DYNC1H1: variants seen among roughly 807,000 people sequenced by gnomAD.
DYNC1H1 encodes the protein cytoplasmic dynein 1 heavy chain 1.
In DYNC1H1, 51 loss-of-function variants were observed where a neutral mutation model predicts 527.1. The observed-to-expected ratio is 0.10, with a 90% confidence interval of 0.08 to 0.12. The LOEUF (loss-of-function observed/expected upper bound fraction) is 0.12. Ranked by LOEUF, DYNC1H1 falls within the 10% of genes least tolerant of loss-of-function variation. The pLI, the probability that DYNC1H1 is intolerant of heterozygous loss-of-function variation, is 1.00. For missense variants in DYNC1H1, 2,771 were observed against 5,971.8 expected, an observed-to-expected ratio of 0.46 and a Z score of 17.66; for synonymous variants, 2,189 against 2,278.8, an observed-to-expected ratio of 0.96 and a Z score of 1.12.
At chr14:102,007,172 A>G in intron 28 of DYNC1H1, 64 bp downstream of exon 28, 2 of 1,546,460 alleles carry the variant, frequency 1.3e-6, no homozygotes, top group Non-Finnish European at 1.8e-6. Flanking sequence ...GGGGAATATC[A>G]AGCTCCGTAC....
chr14:102,048,680 G>A lies in DYNC1H1; in HGVS notation c.13372+11G>A. ...ACGAGCTAGTGAAAGGTGCGTGAGAGGCCGAACTCGTGGTGTGGCTTCCGG... is the reference window on the plus strand; with the variant it reads ...ACGAGCTAGTGAAAGGTGCGTGAGAAGCCGAACTCGTGGTGTGGCTTCCGG... On this transcript the variant is annotated intron_variant, in intron 74 of 77. Coordinates refer to ENST00000360184, the MANE Select transcript of DYNC1H1 (RefSeq NM_001376.5). 6.2e-7 allele frequency: 1 copy of A among 1,612,194 alleles called. No individual in the cohort carries two copies. The highest frequency in any genetic ancestry group is 8.5e-7 in the Non-Finnish European group (1 of 1,179,888).
intron 1 of DYNC1H1, among the ~76,000 whole-genome samples, chr14:101,969,782 G>A (rs1423562800): frequency 3.3e-5 from 5 of 152,214 alleles, no homozygotes; most frequent in African/African-American, 4.8e-5. Context: ...CATAGTAAAC[G>A]AAATTTATGT....
rs201817995 is a variant in DYNC1H1, at chr14:102,027,780, G to A, written c.9210G>A (p.Pro3070=). ...RNLHVVFTMN[P]SSEGLKDRAA... ...TCCACGTCGTGTTCACCATGAACCC[G>A]TCCTCGGAGGGACTCAAGGACCGGG... Residue 3070 remains proline, a synonymous_variant, in exon 47 of 78, where the codon CCG becomes CCA. Coordinates refer to ENST00000360184, the MANE Select transcript of DYNC1H1 (RefSeq NM_001376.5). This position sits in a 1 kb window ranked among gnomAD's most constrained non-coding sequence, Gnocchi z 7.7. The A allele has an allele frequency of 3.0e-5, 49 of 1,614,066 alleles. No individual in the cohort carries two copies. The Middle Eastern group carries it at 6.6e-4, about 22-fold the overall frequency.
intron 72 of DYNC1H1, chr14:102,045,050 C>T (rs2048699386): frequency 6.2e-6 from 2 of 324,910 alleles, no homozygotes. Flanking sequence ...CACCTATAAT[C>T]CCAGCACTTT....
At chr14:101,988,594 T>C in intron 9 of DYNC1H1, 109 bp from the exon 10 acceptor site, 17 of 1,421,386 alleles carry the variant, frequency 1.2e-5, no homozygotes, top group Non-Finnish European at 1.7e-5. Context: ...AGGCTTCTAG[T>C]CCGGAACTGT....
chr14:102,029,876 G>A lies in DYNC1H1; in HGVS notation c.9700G>A (p.Ala3234Thr). Residue 3234 changes from alanine (A) to threonine (T), a missense_variant, in exon 50 of 78, where the codon GCA (alanine) becomes ACA (threonine). Physicochemically the swap from Ala to Thr is moderately conservative, Grantham distance 58. Transcript: ENST00000360184. This position sits in a 1 kb window ranked among gnomAD's most constrained non-coding sequence, Gnocchi z 5.3. ...IKSQELEVKN[A>T]AANDKLKKMV... The stretch of plus-strand genomic sequence containing the variant: ...GAGCCAAGAGCTGGAGGTGAAGAAT[G>A]CAGCAGCCAATGACAAGCTGAAAAA... 1.9e-6 allele frequency: 3 copies of A among 1,614,192 alleles called. No individual in the cohort carries two copies. The highest frequency in any genetic ancestry group is 2.5e-6 in the Non-Finnish European group (3 of 1,180,040).
At position 102,043,950 on chromosome 14, in the gene DYNC1H1, G is replaced by A. The variant is rs879254018; in HGVS notation, c.12589G>A (p.Ala4197Thr). The A allele has an allele frequency of 1.7e-5, 27 of 1,614,080 alleles. No homozygotes were observed. The highest frequency in any genetic ancestry group is 2.2e-5 in the Non-Finnish European group (26 of 1,180,042). Residue 4197 changes from alanine (A) to threonine (T), a missense_variant, in exon 70 of 78, where the codon GCA becomes ACA. Transcript: ENST00000360184. ...GATCATCCAAGAACGCTTACGATAC[G>A]CACCACTGGGGTGGTCAAAGAAGTA... is the stretch of plus-strand genomic sequence containing the variant. ...HAIIQERLRYAPLGWSKKYEF... is the reference protein window; with the variant it reads ...HAIIQERLRYTPLGWSKKYEF...
rs781457785 is a variant in DYNC1H1 at position 102,050,603 on chromosome 14, T to C, written c.*40T>C. ...CCCTTTCTGTAATAGTGAAAGTTGGTATTTAACATTTATTCATTTTTAAAA... is the reference window on the plus strand; with the variant it reads ...CCCTTTCTGTAATAGTGAAAGTTGGCATTTAACATTTATTCATTTTTAAAA... On this transcript the variant is annotated 3_prime_UTR_variant, in exon 78 of 78. Coordinates refer to ENST00000360184, the MANE Select transcript of DYNC1H1 (RefSeq NM_001376.5). 6.2e-7 allele frequency: 1 copy of C among 1,614,064 alleles called. No homozygotes were observed. The highest frequency in any genetic ancestry group is 1.7e-5 in the Admixed American group (1 of 60,030).
intron 11 of DYNC1H1, among the ~76,000 whole-genome samples, chr14:101,992,812 C>G (rs1567001988): frequency 6.6e-6 from 1 of 152,156 alleles, no homozygotes; most frequent in Non-Finnish European, 1.5e-5. Flanking sequence ...CTGGACTCTT[C>G]AGAACACCGT....
chr14:101,999,686 A>C (rs1820796135), intron 16 of DYNC1H1, among the ~76,000 whole-genome samples: 1 of 152,192 alleles, frequency 6.6e-6, no homozygotes, highest in Admixed American at 6.5e-5. Flanking sequence ...GGGGATGTGC[A>C]CTTGAGGCCG....
rs755323909 is a variant in DYNC1H1 at position 102,017,059 on chromosome 14, C to G, written c.7849-29C>G. ...GGTGCTGAGCATGGGGTTGGTCTTA[C>G]AGTGTGGTTTTGTGTCTTCCCTCCA... On this transcript the variant is annotated intron_variant, in intron 38 of 77. Transcript: ENST00000360184. The surrounding 1 kb of genome is among the most constrained non-coding windows in gnomAD (Gnocchi z 4.6). The G allele has an allele frequency of 6.2e-7, 1 of 1,614,120 alleles. No individual in the cohort carries two copies. Among genetic ancestry groups the G allele is most frequent in the Non-Finnish European group, 8.5e-7 (1 of 1,180,040 alleles).
At position 102,001,672 on chromosome 14, in the gene DYNC1H1, G is replaced by A. The variant is rs150900416; in HGVS notation, c.4533G>A (p.Pro1511=). ...GCGTCTCGGCCATGAAGCTCTCTCCGTATTACAAGGTGCTGTTGCTGGGGA... is the reference window on the plus strand; with the variant it reads ...GCGTCTCGGCCATGAAGCTCTCTCCATATTACAAGGTGCTGTTGCTGGGGA... ...INSVSAMKLS[P]YYKVFEEDAL... is the part of the protein sequence containing the mutation. The change falls in exon 21 of 78, where the codon CCG becomes CCA. Residue 1511 remains proline (P), a synonymous_variant. Coordinates refer to ENST00000360184, the MANE Select transcript of DYNC1H1 (RefSeq NM_001376.5). This position sits in a 1 kb window ranked among gnomAD's most constrained non-coding sequence, Gnocchi z 5.0. 7.1e-4 allele frequency: 1,140 copies of A among 1,614,052 alleles called. 13 individuals carry two copies. The African/African-American group carries it at 0.012, about 17-fold the overall frequency.
rs142338762 is a variant in DYNC1H1, at chr14:102,027,997, A to G, written c.9324A>G (p.Glu3108=). 381 of 1,614,108 alleles carry G rather than the reference A, an allele frequency of 2.4e-4. No individual in the cohort carries two copies. Among genetic ancestry groups the G allele is most frequent in the Non-Finnish European group, 3.1e-4 (367 of 1,180,050 alleles). The change falls in exon 48 of 78, where the codon GAA becomes GAG. Residue 3108 remains glutamate, a synonymous_variant. Transcript: ENST00000360184. This position sits in a 1 kb window ranked among gnomAD's most constrained non-coding sequence, Gnocchi z 7.7. ...AAGCACTGTATCAGGTTGGCAAAGA[A>G]TTCACAAGTAAGATGGATCTGGAGA... ...STEALYQVGK[E]FTSKMDLEKP...
rs764322206 is a variant in DYNC1H1, at chr14:102,017,815, AC to A, written c.8177+312del. 1.1e-4 allele frequency: 44 copies of A among 386,264 alleles called. No individual in the cohort carries two copies. The highest frequency in any genetic ancestry group is 1.8e-4 in the Non-Finnish European group (38 of 211,316). The allele number at this position is 386,264 out of a possible 1,614,324, so 23.9% of individuals were successfully genotyped here. ...CCTCGTCTCTACTGAAAATACAAAA[AC>A]AAAATTAAGGCCGGGCGTGGTGGCT... On this transcript the variant is annotated intron_variant, in intron 40 of 77. Coordinates refer to ENST00000360184, the MANE Select transcript of DYNC1H1 (RefSeq NM_001376.5). The surrounding 1 kb of genome is among the most constrained non-coding windows in gnomAD (Gnocchi z 4.6).
chr14:101,982,942 A>G (rs1356173439), intron 5 of DYNC1H1, 77 bp from the exon 6 acceptor site: 18 of 1,547,750 alleles, frequency 1.2e-5, no homozygotes, highest in Non-Finnish European at 1.6e-5. Context: ...AAAATGTTCC[A>G]TTGTAATGGC....
At chr14:101,991,719 C>T (rs761916556) in intron 11 of DYNC1H1, 46 bp downstream of exon 11, 2 of 1,612,790 alleles carry the variant, frequency 1.2e-6, no homozygotes, top group African/African-American at 2.7e-5. Flanking sequence ...CCAGGACTCT[C>T]ATGGGCTCTG....
chr14:102,050,484 C>G lies in DYNC1H1; in HGVS notation c.13862C>G (p.Thr4621Ser). ...LNFTRADLIF[T>S]VDFEIATKED... ...TTCACCCGTGCAGACCTCATCTTCA[C>G]CGTGGACTTCGAAATTGCTACAAAG... The change falls in exon 78 of 78, where the codon ACC (threonine) becomes AGC (serine). Residue 4621 changes from threonine to serine, a missense_variant. Thr to Ser is a moderately conservative substitution (Grantham distance 58). Transcript: ENST00000360184. 6.2e-7 allele frequency: 1 copy of G among 1,614,232 alleles called. No individual in the cohort carries two copies. The highest frequency in any genetic ancestry group is 8.5e-7 in the Non-Finnish European group (1 of 1,180,042).
intron 51 of DYNC1H1, among the ~76,000 whole-genome samples, chr14:102,031,814 C>T (rs900870633): frequency 2.6e-5 from 4 of 152,016 alleles, no homozygotes; most frequent in South Asian, 2.1e-4. Flanking sequence ...ATTAGCTGGG[C>T]GTGGTGGTGC....
rs888317854 is a variant in DYNC1H1, at chr14:101,998,879, C to CTTTTTTTTTTT, written c.3805-1100_3805-1090dup. Reference sequence around the variant, plus strand: ...TAATGTGTTAGAGTTAAAACTTTTTCTTTTTTTTTTTTTTTTTTTTGAGAC... The same window carrying CTTTTTTTTTTT: ...TAATGTGTTAGAGTTAAAACTTTTTCTTTTTTTTTTTTTTTTTTTTTTTTTTTTTTTGAGAC... On this transcript the variant is annotated intron_variant, in intron 16 of 77. Transcript: ENST00000360184. 1.6e-3 allele frequency among the ~76,000 whole-genome samples: 182 copies of CTTTTTTTTTTT among 115,194 alleles called. 7 individuals are homozygous for CTTTTTTTTTTT. Among genetic ancestry groups the CTTTTTTTTTTT allele is most frequent in the East Asian group, 0.012 (46 of 3,948 alleles). The allele number at this position is 115,194 out of a possible 152,430, so 75.6% of individuals were successfully genotyped here.
Sources: gnomAD v4.1 joint callset for allele counts (sites outside exome capture counted in the v4.1 genomes callset) on GRCh38, gnomAD v4.1.1 for gene constraint, Gnocchi (gnomAD v3.1) non-coding constraint, MANE v1.5 for transcripts, NCBI Gene and HGNC (gene_info 2026-07-23, HGNC 2026-07-21) for gene names.